STC1: variants seen among roughly 807,000 people sequenced by gnomAD.
STC1 encodes the protein stanniocalcin-1.
Under a neutral mutation model 22.6 loss-of-function variants are expected in STC1, and 7 were observed. The ratio of observed to expected loss-of-function variants is 0.31; its 90% CI spans 0.18 to 0.58. STC1 has a LOEUF of 0.58. Among genes scored for constraint, STC1 ranks in the 20% least tolerant of loss-of-function variants. The probability of loss-of-function intolerance (pLI) is 0.89; values close to 1 mark genes in which losing one functional copy is unlikely to be tolerated. For missense variants in STC1, 224 were observed against 311.0 expected (o/e 0.72, Z 2.10); for synonymous variants, 113 against 120.7 (o/e 0.94, Z 0.42).
chr8:23,852,096 G>T, intron 2 of STC1, 146 bp downstream of exon 2: 1 of 865,836 alleles, frequency 1.2e-6, no homozygotes, highest in African/African-American at 1.7e-5. Flanking sequence ...GCACACACTT[G>T]TGCATACACA....
intron 3 of STC1, among the ~76,000 whole-genome samples, chr8:23,848,393 G>A (rs986844498): frequency 6.6e-6 from 1 of 151,852 alleles, no homozygotes; most frequent in Non-Finnish European, 1.5e-5. Flanking sequence ...TTAGCTGGGC[G>A]TGGTGGTGAG....
intron 3 of STC1, 108 bp from the exon 4 acceptor site, chr8:23,845,148 G>T: frequency 8.6e-7 from 1 of 1,166,290 alleles, no homozygotes; most frequent in Non-Finnish European, 1.2e-6. Flanking sequence ...GCCTGACCAT[G>T]CAAACATCAA....
At chr8:23,849,679 A>C (rs1802614217) in intron 3 of STC1, among the ~76,000 whole-genome samples, 1 of 152,176 alleles carries the variant, frequency 6.6e-6, no homozygotes, top group African/African-American at 2.4e-5. Flanking sequence ...TCGCCTCAAA[A>C]TTGGAAATAT....
At chr8:23,846,446 T>C (rs1251599354) in intron 3 of STC1, among the ~76,000 whole-genome samples, 2 of 152,194 alleles carry the variant, frequency 1.3e-5, no homozygotes, top group African/African-American at 4.8e-5. Context: ...GAGAACTTTT[T>C]CTCAGAGGAG....
rs184452399 is a variant in STC1 at position 23,844,530 on chromosome 8, G to A, written c.*240C>T. 27 of 543,882 alleles carry A rather than the reference G, an allele frequency of 5.0e-5. No homozygotes were observed. In the Admixed American group the frequency reaches 8.6e-4, roughly 17 times the overall value. 33.7% of individuals were successfully genotyped at this position (543,882 alleles called of 1,614,324 possible). A position where few individuals can be genotyped will look rare whatever the true frequency, so the allele number is the denominator to read the frequency against. ...ATGGCAGAGGAAGTTGGTAAAAGAG[G>A]GTACTTTCTCCTGAGGAGAGGCAGA... is the stretch of plus-strand genomic sequence containing the variant. On this transcript the variant is annotated 3_prime_UTR_variant, in exon 4 of 4. Transcript: ENST00000290271.
chr8:23,845,106 A>C (rs1585304943), intron 3 of STC1, 66 bp from the exon 4 acceptor site: 3 of 1,556,152 alleles, frequency 1.9e-6, no homozygotes, highest in Non-Finnish European at 8.8e-7. Context: ...CCAGGCTTTC[A>C]CCCGGGCTCT....
chr8:23,854,777 T>C lies in STC1; in HGVS notation c.-254A>G. On this transcript the variant is annotated 5_prime_UTR_variant, in exon 1 of 4. Transcript: ENST00000290271. ...CTGCTGCTGCTGCTGCTGCAGTCGC[T>C]GCTTCTTGCACCTCTGGCTTTTGCA... 1 of 590,008 alleles carries C rather than the reference T, an allele frequency of 1.7e-6. No homozygotes were observed. The highest frequency in any genetic ancestry group is 1.6e-5 in the South Asian group (1 of 62,506). 36.5% of individuals were successfully genotyped at this position (590,008 alleles called of 1,614,324 possible). A position where few individuals can be genotyped will look rare whatever the true frequency, so the allele number is the denominator to read the frequency against.
At position 23,852,300 on chromosome 8, in the gene STC1, T is replaced by C. The variant is rs551796452; in HGVS notation, c.203A>G (p.Asp68Gly). 8.7e-6 allele frequency: 14 copies of C among 1,614,100 alleles called. No homozygotes were observed. In the South Asian group the frequency reaches 1.4e-4, roughly 16 times the overall value. The change falls in exon 2 of 4, where the codon GAT becomes GGT. Residue 68 changes from aspartate to glycine, a missense_variant. By Grantham distance (94) the Asp-to-Gly change is moderately conservative. Transcript: ENST00000290271. ...GGATTTACAGATGTCATACATCCCATCTGTGTCACAGGTGGAGTTTTCCAG... is the reference window on the plus strand; with the variant it reads ...GGATTTACAGATGTCATACATCCCACCTGTGTCACAGGTGGAGTTTTCCAG... Reference protein sequence around the residue: ...ACLENSTCDTDGMYDICKSFL... With the variant: ...ACLENSTCDTGGMYDICKSFL...
rs1802639011 is a variant in STC1, at chr8:23,851,636, T to C, written c.262-105A>G. On this transcript the variant is annotated intron_variant, in intron 2 of 3. Transcript: ENST00000290271. ...GGGGGCTCATCTGGGCAACGTATCA[T>C]GGCCATCTGCATATCCTTGCAATGA... is the stretch of plus-strand genomic sequence containing the variant. 6 of 916,932 alleles carry C rather than the reference T, an allele frequency of 6.5e-6. No individual in the cohort carries two copies. In the South Asian group the frequency reaches 7.7e-5, roughly 12 times the overall value. 56.8% of individuals were successfully genotyped at this position (916,932 alleles called of 1,614,324 possible). A position where few individuals can be genotyped will look rare whatever the true frequency, so the allele number is the denominator to read the frequency against.
intron 3 of STC1, among the ~76,000 whole-genome samples, chr8:23,846,796 A>G (rs889173032): frequency 6.6e-6 from 1 of 152,198 alleles, no homozygotes; most frequent in South Asian, 2.1e-4. Context: ...AACTCTTTGG[A>G]ATTACAAAGC....
rs1802543319 is a variant in STC1 at position 23,844,019 on chromosome 8, A to C, written c.*751T>G. 1 of 152,720 alleles carries C rather than the reference A, an allele frequency of 6.5e-6. No individual in the cohort carries two copies. The highest frequency in any genetic ancestry group is 1.5e-5 in the Non-Finnish European group (1 of 68,092). The allele number at this position is 152,720 out of a possible 1,614,324, so 9.5% of individuals were successfully genotyped here. A position where few individuals can be genotyped will look rare whatever the true frequency, so the allele number is the denominator to read the frequency against. On this transcript the variant is annotated 3_prime_UTR_variant, in exon 4 of 4. Transcript: ENST00000290271. The stretch of plus-strand genomic sequence containing the variant: ...CTCTGGAATTTATGTACAGTACATT[A>C]GTTTTCAGCTATTTATATTCCACAG...
In STC1 at chr8:23,844,857, C is replaced by T. The variant is rs779030701; in HGVS notation, c.657G>A (p.Pro219=). 3.3e-5 allele frequency: 53 copies of T among 1,613,906 alleles called. No individual in the cohort carries two copies. The highest frequency in any genetic ancestry group is 3.8e-5 in the Non-Finnish European group (45 of 1,180,012). The change falls in exon 4 of 4, where the codon CCG becomes CCA. Residue 219 remains proline, a synonymous_variant. Transcript: ENST00000290271. Reference sequence around the variant, plus strand: ...TCCTGAGGAGGACTTTCAGCTTCTGCGGCTCATTGGTGCGTCTCCTGTTGA... The same window carrying T: ...TCCTGAGGAGGACTTTCAGCTTCTGTGGCTCATTGGTGCGTCTCCTGTTGA... ...ADFNRRRTNE[P]QKLKVLLRNL...
intron 3 of STC1, among the ~76,000 whole-genome samples, chr8:23,847,665 G>C (rs755163250): frequency 2.0e-5 from 3 of 152,222 alleles, no homozygotes; most frequent in African/African-American, 2.4e-5. Flanking sequence ...CTGGGATCAT[G>C]CTTGCCAATG....
intron 2 of STC1, 134 bp downstream of exon 2, chr8:23,852,108 G>A: frequency 1.0e-6 from 1 of 993,940 alleles, no homozygotes; most frequent in Non-Finnish European, 1.5e-6. Context: ...GCATACACAT[G>A]CTGAGATGGG....
chr8:23,852,473 A>G, intron 1 of STC1, 89 bp from the exon 2 acceptor site: 2 of 1,401,772 alleles, frequency 1.4e-6, no homozygotes, highest in Non-Finnish European at 1.9e-6. Context: ...TTTCAAGGAC[A>G]TGAGGTCAGA....
Position 23,845,031 on chromosome 8 carries a change from G to A in STC1, c.483C>T (p.Asn161=). ...LPNHFSNRYY[N]RLVRSLLECD... is the part of the protein sequence containing the mutation. ...ATTCCAGCAGGCTTCGGACAAGTCT[G>A]TTATAGTATCTGCATCAAGAAAGAG... Residue 161 remains asparagine, a synonymous_variant, in exon 4 of 4, where the codon AAC becomes AAT. Coordinates refer to ENST00000290271, the MANE Select transcript of STC1 (RefSeq NM_003155.3). The A allele has an allele frequency of 1.2e-6, 2 of 1,613,956 alleles. No homozygotes were observed. The highest frequency in any genetic ancestry group is 2.2e-5 in the South Asian group (2 of 91,070).
Position 23,844,858 on chromosome 8 carries a change from G to T in STC1, c.656C>A (p.Pro219Gln), listed in dbSNP as rs765625301. 1.2e-6 allele frequency: 2 copies of T among 1,614,060 alleles called. No homozygotes were observed. Among genetic ancestry groups the T allele is most frequent in the Non-Finnish European group, 1.7e-6 (2 of 1,180,014 alleles). Reference sequence around the variant, plus strand: ...CCTGAGGAGGACTTTCAGCTTCTGCGGCTCATTGGTGCGTCTCCTGTTGAA... The same window carrying T: ...CCTGAGGAGGACTTTCAGCTTCTGCTGCTCATTGGTGCGTCTCCTGTTGAA... ...ADFNRRRTNE[P>Q]QKLKVLLRNL... The change falls in exon 4 of 4, where the codon CCG becomes CAG. Residue 219 changes from proline (P) to glutamine (Q), a missense_variant. By Grantham distance (76) the Pro-to-Gln change is moderately conservative (BLOSUM62 -1). Coordinates refer to ENST00000290271, the MANE Select transcript of STC1 (RefSeq NM_003155.3).
At chr8:23,853,559 A>G (rs1307812890) in intron 1 of STC1, among the ~76,000 whole-genome samples, 2 of 152,182 alleles carry the variant, frequency 1.3e-5, no homozygotes, top group African/African-American at 4.8e-5. Context: ...GACACCTGTG[A>G]TCCGGTCTTT....
intron 3 of STC1, 143 bp downstream of exon 3, chr8:23,851,177 T>A: frequency 1.3e-6 from 1 of 798,692 alleles, no homozygotes; most frequent in Non-Finnish European, 2.1e-6. Flanking sequence ...ACAAACATAT[T>A]TTTTTCCTGC....
Sources: allele counts gnomAD v4.1 joint callset (sites outside exome capture counted in the v4.1 genomes callset), GRCh38; gene constraint gnomAD v4.1.1; transcripts MANE v1.5; gene names NCBI Gene and HGNC (gene_info 2026-07-23, HGNC 2026-07-21).